CLSTN1: variants seen among roughly 807,000 people sequenced by gnomAD.
CLSTN1 encodes calsyntenin 1.
In CLSTN1, 28 loss-of-function variants were observed where a neutral mutation model predicts 108.3. The ratio of observed to expected loss-of-function variants is 0.26; its 90% CI spans 0.19 to 0.35. CLSTN1 has a LOEUF of 0.35. Ranked by LOEUF, CLSTN1 falls within the 10% of genes least tolerant of loss-of-function variation. CLSTN1 has a pLI of 1.00. For missense variants in CLSTN1, 1,157 were observed against 1,302.6 expected (o/e 0.89, Z 1.72); for synonymous variants, 524 against 534.9 (o/e 0.98, Z 0.28).
intron 1 of CLSTN1, among the ~76,000 whole-genome samples, chr1:9,789,263 CCGT>C (rs1229385122): frequency 4.0e-5 from 6 of 151,530 alleles, no homozygotes; most frequent in African/African-American, 1.4e-4. Context: ...AGCCGCCATA[CCGT>C]TCTCCATAGT....
chr1:9,757,834 G>C (rs1651891147), intron 2 of CLSTN1, among the ~76,000 whole-genome samples: 1 of 152,104 alleles, frequency 6.6e-6, no homozygotes, highest in Non-Finnish European at 1.5e-5. Flanking sequence ...CAACACACTG[G>C]GCCCTCACTG....
At chr1:9,746,456 C>A (rs146199785) in intron 7 of CLSTN1, among the ~76,000 whole-genome samples, 167 of 152,334 alleles carry the variant, frequency 1.1e-3, no homozygotes, top group African/African-American at 3.9e-3. Context: ...TGGCTTGCGC[C>A]TGTAATCCCA....
At chr1:9,744,226 T>G (rs142513467) in intron 8 of CLSTN1, among the ~76,000 whole-genome samples, 169 bp downstream of exon 8, 1 of 152,264 alleles carries the variant, frequency 6.6e-6, no homozygotes, top group East Asian at 1.9e-4. Flanking sequence ...AATACCCAAA[T>G]GCCCAGGCCG....
chr1:9,763,292 C>T (rs570898579), intron 2 of CLSTN1, among the ~76,000 whole-genome samples: 2 of 152,188 alleles, frequency 1.3e-5, no homozygotes, highest in South Asian at 4.2e-4. Flanking sequence ...TAACAATAAC[C>T]ACAGACTCCA....
At chr1:9,742,831 C>A (rs1053081632) in intron 9 of CLSTN1, among the ~76,000 whole-genome samples, 13 of 151,974 alleles carry the variant, frequency 8.6e-5, no homozygotes, top group Non-Finnish European at 1.9e-4. Flanking sequence ...TCGCTTGAAC[C>A]CGGGAGGTGG....
At chr1:9,736,175 T>G in intron 11 of CLSTN1, 133 bp from the exon 12 acceptor site, 2 of 1,009,060 alleles carry the variant, frequency 2.0e-6, no homozygotes, top group Non-Finnish European at 3.0e-6. Context: ...TACCAAGTCC[T>G]GTTAGCCTTG....
intron 12 of CLSTN1, 114 bp from the exon 13 acceptor site, chr1:9,735,729 TGAAAAA>T (rs1178704155): frequency 3.3e-6 from 5 of 1,517,252 alleles, no homozygotes; most frequent in Non-Finnish European, 4.5e-6. Context: ...ATTGCTGACT[TGAAAAA>T]GAAAAGCTCG....
At chr1:9,784,851 C>A (rs1388090928) in intron 1 of CLSTN1, among the ~76,000 whole-genome samples, 1 of 152,140 alleles carries the variant, frequency 6.6e-6, no homozygotes, top group Non-Finnish European at 1.5e-5. Context: ...AGAAAAGTAT[C>A]TTAAACTCTA....
intron 1 of CLSTN1, among the ~76,000 whole-genome samples, chr1:9,801,199 C>G (rs1021666589): frequency 1.3e-5 from 2 of 151,754 alleles, no homozygotes; most frequent in Non-Finnish European, 2.9e-5. Flanking sequence ...AAGCTGAGAT[C>G]GTGCCATTGC....
chr1:9,763,866 A>G (rs12021914), intron 2 of CLSTN1, among the ~76,000 whole-genome samples: 34,903 of 151,948 alleles, frequency 0.23, 6,882 homozygotes, highest in African/African-American at 0.53. Flanking sequence ...TACAGGACTC[A>G]AGCCCTGTAA....
chr1:9,749,702 T>A, intron 6 of CLSTN1, 56 bp from the exon 7 acceptor site: 1 of 1,611,210 alleles, frequency 6.2e-7, no homozygotes. Context: ...ACACTCTAGG[T>A]TGCTGCCGCA....
intron 1 of CLSTN1, among the ~76,000 whole-genome samples, chr1:9,780,484 T>A (rs1653190620): frequency 6.6e-6 from 1 of 152,186 alleles, no homozygotes; most frequent in South Asian, 2.1e-4. Flanking sequence ...AAGGGTTCGG[T>A]GGAAAAATAA....
At chr1:9,732,780 G>A (rs1164745533) in intron 16 of CLSTN1, among the ~76,000 whole-genome samples, 5 of 152,364 alleles carry the variant, frequency 3.3e-5, no homozygotes, top group Admixed American at 2.0e-4. Context: ...TGCCCGTGCG[G>A]GTCCCTGCGT....
chr1:9,769,332 T>C (rs1052076848), intron 2 of CLSTN1, among the ~76,000 whole-genome samples: 4 of 152,006 alleles, frequency 2.6e-5, no homozygotes, highest in African/African-American at 7.3e-5. Context: ...CACAAAGACC[T>C]GTACAGGAAT....
At chr1:9,780,421 G>A (rs1422005789) in intron 1 of CLSTN1, among the ~76,000 whole-genome samples, 4 of 152,124 alleles carry the variant, frequency 2.6e-5, no homozygotes, top group South Asian at 4.1e-4. Flanking sequence ...GAGTAGTAAC[G>A]TAAAATGTGT....
rs539515289 is a variant in CLSTN1, at chr1:9,734,534, C to T, written c.2111-392G>A. On this transcript the variant is annotated intron_variant, in intron 14 of 18. Transcript: ENST00000377298. The surrounding 1 kb of genome is among the most constrained non-coding windows in gnomAD (Gnocchi z 4.8). ...ATGCTGCAGTTAGCCAAGATGACACCATTGCACTCCAGCCTGGGCGACAGA... is the reference window on the plus strand; with the variant it reads ...ATGCTGCAGTTAGCCAAGATGACACTATTGCACTCCAGCCTGGGCGACAGA... Among the ~76,000 whole-genome samples, 6 of 150,850 alleles carry T rather than the reference C, an allele frequency of 4.0e-5. No individual in the cohort carries two copies. The South Asian group carries it at 1.3e-3, about 32-fold the overall frequency.
At chr1:9,785,126 A>T (rs931208743) in intron 1 of CLSTN1, among the ~76,000 whole-genome samples, 1 of 151,556 alleles carries the variant, frequency 6.6e-6, no homozygotes. Flanking sequence ...CATGTTGGCC[A>T]GGGTGGTCTT....
chr1:9,807,168 C>T (rs746345088), intron 1 of CLSTN1, among the ~76,000 whole-genome samples: 4 of 152,018 alleles, frequency 2.6e-5, no homozygotes, highest in Non-Finnish European at 5.9e-5. Flanking sequence ...CCTGCAGTAA[C>T]GAAACCTGTT....
intron 1 of CLSTN1, among the ~76,000 whole-genome samples, chr1:9,774,018 A>G (rs1652820063): frequency 6.6e-6 from 1 of 151,986 alleles, no homozygotes; most frequent in South Asian, 2.1e-4. Flanking sequence ...TTGGGATTAC[A>G]GGCGTGAGCC....
Sources: gnomAD v4.1 joint callset for allele counts (sites outside exome capture counted in the v4.1 genomes callset) on GRCh38, gnomAD v4.1.1 for gene constraint, Gnocchi (gnomAD v3.1) non-coding constraint, MANE v1.5 for transcripts, NCBI Gene and HGNC (gene_info 2026-07-23, HGNC 2026-07-21) for gene names.